The following DNA2 variants were observed in gnomAD, a reference collection of about 807,000 sequenced individuals.
DNA2 encodes the protein DNA replication ATP-dependent helicase/nuclease DNA2.
DNA2 carries 101 observed loss-of-function variants against 119.1 expected under a neutral mutation model. That is an observed-to-expected ratio of 0.85 (90% CI 0.72 to 1.00). DNA2 has a LOEUF of 1.00. Among genes scored for constraint, DNA2 ranks in the 50% least tolerant of loss-of-function variants. The pLI is 0.00. For missense variants in DNA2, 1,121 were observed against 1,255.5 expected (o/e 0.89, Z 1.62); for synonymous variants, 366 against 424.4 (o/e 0.86, Z 1.69).
intron 6 of DNA2, among the ~76,000 whole-genome samples, chr10:68,447,516 CAAAAA>C (rs1165549043): frequency 1.1e-4 from 6 of 54,754 alleles, no homozygotes; most frequent in Non-Finnish European, 2.2e-4. Flanking sequence ...GACTTCACCT[CAAAAA>C]AAAAAAAAAA....
At chr10:68,419,981 C>A in intron 17 of DNA2, 89 bp from the exon 18 acceptor site, 1 of 965,798 alleles carries the variant, frequency 1.0e-6, no homozygotes. Flanking sequence ...ATACTACCGA[C>A]TTGGAGATGA....
At chr10:68,437,509 G>A (rs934185037) in intron 9 of DNA2, among the ~76,000 whole-genome samples, 4 of 151,696 alleles carry the variant, frequency 2.6e-5, no homozygotes, top group African/African-American at 9.7e-5. Flanking sequence ...AATTAGCCAG[G>A]TGTGGTGGTG....
At chr10:68,419,726 G>C (rs2051640120) in intron 18 of DNA2, 77 bp downstream of exon 18, 1 of 1,113,924 alleles carries the variant, frequency 9.0e-7, no homozygotes, top group Non-Finnish European at 1.4e-6. Context: ...CTTAATGCCA[G>C]ATTGTAAGTG....
intron 5 of DNA2, among the ~76,000 whole-genome samples, chr10:68,451,351 A>G (rs975611731): frequency 3.3e-5 from 5 of 152,128 alleles, no homozygotes; most frequent in Non-Finnish European, 7.3e-5. Flanking sequence ...TTAATTGGTA[A>G]ATAACCCATG....
Position 68,468,234 on chromosome 10 carries a change from T to G in DNA2, c.330A>C (p.Ile110=). 1 of 1,612,468 alleles carries G rather than the reference T, an allele frequency of 6.2e-7. No individual in the cohort carries two copies. Among genetic ancestry groups the G allele is most frequent in the Non-Finnish European group, 8.5e-7 (1 of 1,179,344 alleles). Residue 110 remains isoleucine, a synonymous_variant, in exon 3 of 21, where the codon ATA becomes ATC. Coordinates refer to ENST00000358410, the MANE Select transcript of DNA2 (RefSeq NM_001080449.3). ...EGDCTSDTWI[I]DKDFGYLILY... is the part of the protein sequence containing the mutation. ...GAATCAAATATCCAAAATCTTTATCTATTATCCAAGTGTCAGATGTGCAGT... is the reference window on the plus strand; with the variant it reads ...GAATCAAATATCCAAAATCTTTATCGATTATCCAAGTGTCAGATGTGCAGT...
At chr10:68,430,821 G>A (rs545989239) in intron 13 of DNA2, among the ~76,000 whole-genome samples, 161 bp from the exon 14 acceptor site, 5 of 152,138 alleles carry the variant, frequency 3.3e-5, no homozygotes, top group South Asian at 2.1e-4. Context: ...ATTATTATAC[G>A]TTATTAATAA....
intron 14 of DNA2, chr10:68,424,820 T>G: frequency 1.0e-6 from 1 of 972,058 alleles, no homozygotes; most frequent in South Asian, 1.3e-5. Context: ...AGGTGCAGCG[T>G]GAGTAGGCCA....
At chr10:68,456,437 T>C (rs908734091) in intron 5 of DNA2, among the ~76,000 whole-genome samples, 3 of 152,158 alleles carry the variant, frequency 2.0e-5, no homozygotes, top group African/African-American at 7.2e-5. Context: ...TTTTTTGAGG[T>C]GGAGTCTCGT....
chr10:68,422,569 A>T lies in DNA2; in HGVS notation c.2438T>A (p.Leu813Gln). ...TACAACAGCACTCTTATTCTGCTCC[A>T]GCCTCTTGAATAAGCTTTCACTCAT... is the stretch of plus-strand genomic sequence containing the variant. The part of the protein sequence containing the change: ...LGMSESLFKR[L>Q]EQNKSAVVQL... Residue 813 changes from leucine (L) to glutamine (Q), a missense_variant, in exon 16 of 21, where the codon CTG becomes CAG. Leu to Gln is a moderately radical substitution (Grantham distance 113, BLOSUM62 -2). Transcript: ENST00000358410. 1 of 1,614,056 alleles carries T rather than the reference A, an allele frequency of 6.2e-7. No individual in the cohort carries two copies. Among genetic ancestry groups the T allele is most frequent in the South Asian group, 1.1e-5 (1 of 91,088 alleles).
chr10:68,472,521 T>A (rs575945320), upstream of DNA2, among the ~76,000 whole-genome samples: 38 of 151,956 alleles, frequency 2.5e-4, no homozygotes, highest in Non-Finnish European at 5.4e-4. Context: ...GATCACGAGG[T>A]CAGCAGTTGA....
Position 68,471,895 on chromosome 10 carries a change from G to C in DNA2, c.-31C>G. On this transcript the variant is annotated 5_prime_UTR_variant, in exon 1 of 21. Transcript: ENST00000358410. Reference sequence around the variant, plus strand: ...ACGCGGGGATCGCAAACTGTAGACAGAAAAGACAGCGGAACCGGGGGTAAC... The same window carrying C: ...ACGCGGGGATCGCAAACTGTAGACACAAAAGACAGCGGAACCGGGGGTAAC... 1 of 1,613,916 alleles carries C rather than the reference G, an allele frequency of 6.2e-7. No individual in the cohort carries two copies. The highest frequency in any genetic ancestry group is 8.5e-7 in the Non-Finnish European group (1 of 1,179,806).
intron 6 of DNA2, among the ~76,000 whole-genome samples, chr10:68,449,516 C>T (rs2052089403): frequency 6.6e-6 from 1 of 152,146 alleles, no homozygotes; most frequent in Non-Finnish European, 1.5e-5. Context: ...GTGGCTCACA[C>T]CTGTAATTCC....
intron 3 of DNA2, among the ~76,000 whole-genome samples, chr10:68,466,580 CTT>C (rs71977657): frequency 5.0e-4 from 69 of 137,372 alleles, no homozygotes; most frequent in East Asian, 4.2e-3. Context: ...TAGCCTAGAC[CTT>C]TTTTTTTTTT....
chr10:68,464,477 C>T (rs536667399), intron 4 of DNA2, among the ~76,000 whole-genome samples: 10 of 149,752 alleles, frequency 6.7e-5, no homozygotes, highest in African/African-American at 1.7e-4. Flanking sequence ...AGCAAGCCAC[C>T]GCACTCCACC....
chr10:68,446,384 C>T lies in DNA2; in HGVS notation c.969G>A (p.Glu323=), dbSNP rs376895794. ...QVVLYTLLSQ[E]RRADPEAGLL... ...AGCCAGCCTCTGGATCAGCTCTTCTCTCTTGGCTTAGTAGAGTGTACAGAA... is the reference window on the plus strand; with the variant it reads ...AGCCAGCCTCTGGATCAGCTCTTCTTTCTTGGCTTAGTAGAGTGTACAGAA... The change falls in exon 7 of 21, where the codon GAG becomes GAA. Residue 323 remains glutamate (E), a synonymous_variant. Coordinates refer to ENST00000358410, the MANE Select transcript of DNA2 (RefSeq NM_001080449.3). 3.8e-6 allele frequency: 6 copies of T among 1,593,232 alleles called. No homozygotes were observed. The East Asian group carries it at 1.1e-4, about 30-fold the overall frequency.
At chr10:68,419,371 T>G (rs976476476) in intron 18 of DNA2, 158 bp from the exon 19 acceptor site, 10 of 607,112 alleles carry the variant, frequency 1.6e-5, no homozygotes, top group South Asian at 7.4e-5. Flanking sequence ...TTGCTCTAAA[T>G]CTGTCCATAT....
Position 68,459,213 on chromosome 10 carries a change from C to T in DNA2, c.610G>A (p.Asp204Asn). ...KEMYRLNLSQ[D>N]EIKQEVEDYL... ...TCCTCTACTTCTTGTTTTATTTCATCTTGACTTAGATTTAAGCGGTACCTG... is the reference window on the plus strand; with the variant it reads ...TCCTCTACTTCTTGTTTTATTTCATTTTGACTTAGATTTAAGCGGTACCTG... Residue 204 changes from aspartate (D) to asparagine (N), a missense_variant, in exon 5 of 21, where the codon GAT (aspartate) becomes AAT (asparagine). Physicochemically the swap from Asp to Asn is conservative, Grantham distance 23 (BLOSUM62 1). Coordinates refer to ENST00000358410, the MANE Select transcript of DNA2 (RefSeq NM_001080449.3). 6.4e-7 allele frequency: 1 copy of T among 1,561,080 alleles called. No individual in the cohort carries two copies. The highest frequency in any genetic ancestry group is 8.7e-7 in the Non-Finnish European group (1 of 1,152,190).
At chr10:68,464,404 A>G (rs923180118) in intron 4 of DNA2, among the ~76,000 whole-genome samples, 9 of 151,924 alleles carry the variant, frequency 5.9e-5, no homozygotes, top group African/African-American at 1.7e-4. Flanking sequence ...AATCCCAGCT[A>G]CTCGAGAGGC....
chr10:68,460,060 C>CACAT (rs1364030572), intron 4 of DNA2, among the ~76,000 whole-genome samples: 3 of 150,998 alleles, frequency 2.0e-5, no homozygotes, highest in South Asian at 2.1e-4. Context: ...CACACACACA[C>CACAT]ATACAAGTTA....
Sources: allele counts gnomAD v4.1 joint callset (sites outside exome capture counted in the v4.1 genomes callset), GRCh38; gene constraint gnomAD v4.1.1; transcripts MANE v1.5; gene names NCBI Gene and HGNC (gene_info 2026-07-23, HGNC 2026-07-21).